PSMA3: variants seen among roughly 807,000 people sequenced by gnomAD.
PSMA3 encodes proteasome 20S subunit alpha 3.
PSMA3 carries 8 observed loss-of-function variants against 40.0 expected under a neutral mutation model. The ratio of observed to expected loss-of-function variants is 0.20; its 90% CI spans 0.12 to 0.36. The LOEUF (loss-of-function observed/expected upper bound fraction) is 0.36, where lower values mean the gene tolerates loss of function less well. PSMA3 is among the 10% of genes least tolerant of loss of function. PSMA3 has a pLI of 1.00. For missense variants in PSMA3, 219 were observed against 310.6 expected (o/e 0.70, Z 2.22); for synonymous variants, 110 against 100.0 (o/e 1.10, Z -0.59).
intron 5 of PSMA3, among the ~76,000 whole-genome samples, chr14:58,259,103 A>T (rs550103562): frequency 2.0e-5 from 3 of 151,370 alleles, no homozygotes; most frequent in South Asian, 2.1e-4. Flanking sequence ...AATTAACAAA[A>T]TTTTTTTTTG....
chr14:58,245,064 C>G, intron 1 of PSMA3, 123 bp downstream of exon 1: 2 of 1,277,474 alleles, frequency 1.6e-6, no homozygotes, highest in Non-Finnish European at 2.3e-6. Context: ...CTGGGTGGGC[C>G]ATTTGCAGCT....
chr14:58,267,588 T>G (rs947274659), intron 8 of PSMA3, 68 bp downstream of exon 8: 1 of 1,428,848 alleles, frequency 7.0e-7, no homozygotes, highest in African/African-American at 1.5e-5. Flanking sequence ...TATATTACAT[T>G]AATCCTAAGA....
rs1345229632 is a variant in PSMA3 at position 58,260,979 on chromosome 14, G to A, written c.436G>A (p.Gly146Ser). ...FMLGSYSVNDGAQLYMIDPSG... is the reference protein window; with the variant it reads ...FMLGSYSVNDSAQLYMIDPSG... ...GTTAGGGTCTTACAGTGTGAATGAC[G>A]GTGCGCAACTCTACATGATTGACCC... Residue 146 changes from glycine to serine, a missense_variant, in exon 6 of 11, where the codon GGT becomes AGT. Physicochemically the swap from Gly to Ser is moderately conservative, Grantham distance 56 (BLOSUM62 0). Transcript: ENST00000216455. 6.2e-6 allele frequency: 10 copies of A among 1,612,212 alleles called. No homozygotes were observed. Among genetic ancestry groups the A allele is most frequent in the Middle Eastern group, 1.7e-4 (1 of 6,058 alleles).
At chr14:58,252,981 CTTT>C (rs1231347254) in intron 3 of PSMA3, among the ~76,000 whole-genome samples, 7 of 132,350 alleles carry the variant, frequency 5.3e-5, no homozygotes, top group Non-Finnish European at 8.2e-5. Flanking sequence ...ATGTCATTTT[CTTT>C]TTTTTTTTTT....
intron 7 of PSMA3, among the ~76,000 whole-genome samples, chr14:58,264,287 A>G (rs544980589): frequency 4.4e-4 from 67 of 152,174 alleles, no homozygotes; most frequent in Non-Finnish European, 8.7e-4. Context: ...TTTCTTTGGA[A>G]CACAGCTTTT....
At chr14:58,261,192 T>TTC (rs397723361) in intron 6 of PSMA3, among the ~76,000 whole-genome samples, 172 bp downstream of exon 6, 3 of 150,476 alleles carry the variant, frequency 2.0e-5, no homozygotes, top group African/African-American at 7.3e-5. Flanking sequence ...TTTTTTTTTT[T>TTC]CCTTTTTGGG....
intron 7 of PSMA3, chr14:58,265,382 C>T (rs1280295223): frequency 6.6e-6 from 1 of 152,160 alleles, no homozygotes; most frequent in Non-Finnish European, 1.5e-5. Context: ...AAAAAAATCA[C>T]TTTAATTGAG....
chr14:58,252,821 GAA>G (rs11445029), intron 3 of PSMA3, among the ~76,000 whole-genome samples: 5 of 138,258 alleles, frequency 3.6e-5, no homozygotes, highest in African/African-American at 5.3e-5. Context: ...ACTACTGAAA[GAA>G]AAAAAAAAAA....
intron 2 of PSMA3, 81 bp downstream of exon 2, chr14:58,247,913 G>GTATAT: frequency 1.1e-6 from 1 of 916,436 alleles, no homozygotes; most frequent in Non-Finnish European, 1.7e-6. Flanking sequence ...ATGTTACTTT[G>GTATAT]GTACAAATTA....
At chr14:58,245,381 C>A (rs187509279) in intron 1 of PSMA3, 21 of 188,462 alleles carry the variant, frequency 1.1e-4, no homozygotes. Flanking sequence ...GATTCACAGG[C>A]CTTCTCTGTC....
chr14:58,260,280 A>T (rs1566641614), intron 5 of PSMA3, among the ~76,000 whole-genome samples: 1 of 152,204 alleles, frequency 6.6e-6, no homozygotes, highest in Non-Finnish European at 1.5e-5. Flanking sequence ...TACCTAACAC[A>T]GTGTAAATAG....
chr14:58,246,207 T>G (rs1023234307), intron 1 of PSMA3, among the ~76,000 whole-genome samples: 3 of 152,168 alleles, frequency 2.0e-5, no homozygotes, highest in African/African-American at 4.8e-5. Context: ...TTGACATGTC[T>G]GTTCACTTGA....
At chr14:58,245,054 C>A in intron 1 of PSMA3, 113 bp downstream of exon 1, 1 of 1,378,902 alleles carries the variant, frequency 7.3e-7, no homozygotes, top group Non-Finnish European at 1.0e-6. Flanking sequence ...CCGCCTTCGG[C>A]TGGGTGGGCC....
At chr14:58,253,358 T>C (rs1890057182) in intron 3 of PSMA3, among the ~76,000 whole-genome samples, 1 of 152,110 alleles carries the variant, frequency 6.6e-6, no homozygotes, top group Admixed American at 6.6e-5. Context: ...CAAACTTGGG[T>C]CTGCATGTTA....
At chr14:58,258,905 TGA>T (rs1438079960) in intron 5 of PSMA3, among the ~76,000 whole-genome samples, 3 of 151,460 alleles carry the variant, frequency 2.0e-5, no homozygotes, top group Admixed American at 1.3e-4. Context: ...AAAGAAAACT[TGA>T]GTTTTATTCT....
Position 58,270,555 on chromosome 14 carries a change from C to A in PSMA3, c.658+70C>A, listed in dbSNP as rs149090185. The A allele has an allele frequency of 3.8e-4, 612 of 1,600,138 alleles. 1 individual carries two copies. In the African/African-American group the frequency reaches 7.7e-3, roughly 20 times the overall value. On this transcript the variant is annotated intron_variant, in intron 9 of 10. Coordinates refer to ENST00000216455, the MANE Select transcript of PSMA3 (RefSeq NM_002788.4). The stretch of plus-strand genomic sequence containing the variant: ...CCACAGCTAATTTACAACTGAGTGT[C>A]CTTTCTAATATAATGAAAGCTAAAG...
Position 58,263,332 on chromosome 14 carries a change from T to G in PSMA3, c.478-373T>G, listed in dbSNP as rs192851232. On this transcript the variant is annotated intron_variant, in intron 6 of 10. Coordinates refer to ENST00000216455, the MANE Select transcript of PSMA3 (RefSeq NM_002788.4). Reference sequence around the variant, plus strand: ...ATTTACAAAATAATAAAATTGGGGGTTTAGAGTACTGAACTCATAGGAATT... The same window carrying G: ...ATTTACAAAATAATAAAATTGGGGGGTTAGAGTACTGAACTCATAGGAATT... 5.3e-5 allele frequency among the ~76,000 whole-genome samples: 8 copies of G among 152,196 alleles called. No individual in the cohort carries two copies. The East Asian group carries it at 1.5e-3, about 29-fold the overall frequency.
At chr14:58,270,314 C>T (rs1890578094) in intron 8 of PSMA3, 104 bp from the exon 9 acceptor site, 11 of 1,474,936 alleles carry the variant, frequency 7.5e-6, no homozygotes, top group South Asian at 1.3e-5. Flanking sequence ...TTTATAGATA[C>T]TTTTATTATG....
chr14:58,271,808 C>T (rs1474789143), intron 10 of PSMA3, 43 bp from the exon 11 acceptor site: 2 of 1,480,378 alleles, frequency 1.4e-6, no homozygotes, highest in Admixed American at 3.4e-5. Context: ...TGGGATATAA[C>T]AATTTTAAAA....
Sources: allele counts gnomAD v4.1 joint callset (sites outside exome capture counted in the v4.1 genomes callset), GRCh38; gene constraint gnomAD v4.1.1; transcripts MANE v1.5; gene names NCBI Gene and HGNC (gene_info 2026-07-23, HGNC 2026-07-21).